The following ECEL1 variants were observed in gnomAD, a reference collection of about 807,000 sequenced individuals.
ECEL1 encodes endothelin-converting enzyme-like 1.
ECEL1 carries 87 observed loss-of-function variants against 101.8 expected under a neutral mutation model. The observed-to-expected ratio is 0.85, with a 90% confidence interval of 0.72 to 1.02. The LOEUF (loss-of-function observed/expected upper bound fraction) is 1.02. Among genes scored for constraint, ECEL1 ranks in the 50% least tolerant of loss-of-function variants. The pLI is 0.00. For synonymous variants in ECEL1, 487 were observed against 468.7 expected, an observed-to-expected ratio of 1.04 and a Z score of -0.50; for missense variants, 1,032 against 1,079.2, an observed-to-expected ratio of 0.96 and a Z score of 0.61.
intron 3 of ECEL1, 39 bp downstream of exon 3, chr2:232,485,160 C>T (rs947832209): frequency 1.2e-6 from 2 of 1,612,746 alleles, no homozygotes; most frequent in Non-Finnish European, 1.7e-6. Context: ...CTCCTGGGGC[C>T]CCAGGCCTTC....
At chr2:232,481,274 G>T in intron 14 of ECEL1, 118 bp from the exon 15 acceptor site, 1 of 1,381,900 alleles carries the variant, frequency 7.2e-7, no homozygotes, top group Non-Finnish European at 9.8e-7. Flanking sequence ...CTTGCCCAGA[G>T]AGTTTGAGGG....
chr2:232,487,383 T>A (rs1176549247), intron 1 of ECEL1, among the ~76,000 whole-genome samples: 1 of 152,032 alleles, frequency 6.6e-6, no homozygotes, highest in African/African-American at 2.4e-5. Context: ...ACGGCCCTGA[T>A]GGAGAACCCG....
Position 232,480,000 on chromosome 2 carries a change from G to T in ECEL1, c.*153C>A. On this transcript the variant is annotated 3_prime_UTR_variant, in exon 18 of 18. Transcript: ENST00000304546. ...CCTCACCCTGCTCCAGGCCCCTCCT[G>T]AAGTGAGGGGCAGCAGGGGGACCGG... 1 of 695,950 alleles carries T rather than the reference G, an allele frequency of 1.4e-6. No homozygotes were observed. Among genetic ancestry groups the T allele is most frequent in the Non-Finnish European group, 2.4e-6 (1 of 408,780 alleles). The allele number at this position is 695,950 out of a possible 1,614,324, so 43.1% of individuals were successfully genotyped here.
rs778036027 is a variant in ECEL1, at chr2:232,480,400, T to C, written c.2227A>G (p.Arg743Gly). Residue 743 changes from arginine (R) to glycine (G), a missense_variant and splice_region_variant, in exon 17 of 18, where the codon AGG (arginine) becomes GGG (glycine). Coordinates refer to ENST00000304546, the MANE Select transcript of ECEL1 (RefSeq NM_004826.4). Reference protein sequence around the residue: ...LTDKHAPEHYRVLGSVSQFEE... With the variant: ...LTDKHAPEHYGVLGSVSQFEE... ...GGCCAGGCGGGCAGGTGGGCATACC[T>C]GTAGTGCTCAGGGGCATGCTTGTCA... 1.2e-6 allele frequency: 2 copies of C among 1,613,952 alleles called. No homozygotes were observed. The highest frequency in any genetic ancestry group is 2.2e-5 in the East Asian group (1 of 44,868).
intron 3 of ECEL1, 49 bp downstream of exon 3, chr2:232,485,150 C>T: frequency 1.9e-6 from 3 of 1,612,504 alleles, no homozygotes; most frequent in Non-Finnish European, 1.7e-6. Context: ...GGATCCACCC[C>T]TCCTGGGGCC....
chr2:232,480,286 C>T (rs765282538), intron 17 of ECEL1, 34 bp from the exon 18 acceptor site: 1 of 1,611,978 alleles, frequency 6.2e-7, no homozygotes, highest in Admixed American at 1.7e-5. Flanking sequence ...AGTGTTGGGC[C>T]CTGCAGCCAC....
At position 232,480,539 on chromosome 2, in the gene ECEL1, C is replaced by A. The variant is rs1190432; in HGVS notation, c.2152-64G>T. 0.22 allele frequency: 345,832 copies of A among 1,597,230 alleles called. 38,596 individuals are homozygous for A. The highest frequency in any genetic ancestry group is 0.23 in the East Asian group (10,238 of 44,424). On this transcript the variant is annotated intron_variant, in intron 16 of 17. Coordinates refer to ENST00000304546, the MANE Select transcript of ECEL1 (RefSeq NM_004826.4). ...TGAAGCCAGGCATCCGCCCCCTTGCCCCCCACCCAGCACACAAGGCGGTAG... is the reference window on the plus strand; with the variant it reads ...TGAAGCCAGGCATCCGCCCCCTTGCACCCCACCCAGCACACAAGGCGGTAG...
intron 5 of ECEL1, 37 bp from the exon 6 acceptor site, chr2:232,484,633 T>G (rs1320630733): frequency 1.2e-6 from 2 of 1,611,248 alleles, no homozygotes; most frequent in Admixed American, 1.7e-5. Flanking sequence ...AGGCTAGGGT[T>G]GGCAGGGGCC....
rs374914147 is a variant in ECEL1, at chr2:232,486,659, C to A, written c.-6G>T. The A allele has an allele frequency of 8.5e-6, 13 of 1,521,890 alleles. No homozygotes were observed. Among genetic ancestry groups the A allele is most frequent in the Non-Finnish European group, 1.1e-5 (13 of 1,145,262 alleles). The allele number at this position is 1,521,890 out of a possible 1,614,324, so 94.3% of individuals were successfully genotyped here. ...AGCGAATACGGGGGCTCCATGGCGC[C>A]GAGGCCGCCGCGGTGCAGACCTGGG... On this transcript the variant is annotated 5_prime_UTR_variant, in exon 2 of 18. Coordinates refer to ENST00000304546, the MANE Select transcript of ECEL1 (RefSeq NM_004826.4).
In ECEL1 at chr2:232,486,534, G is replaced by C; in HGVS notation, c.120C>G (p.Gly40=). 2 of 1,336,420 alleles carry C rather than the reference G, an allele frequency of 1.5e-6. No homozygotes were observed. Among genetic ancestry groups the C allele is most frequent in the Non-Finnish European group, 9.5e-7 (1 of 1,053,264 alleles). The allele number at this position is 1,336,420 out of a possible 1,614,324, so 82.8% of individuals were successfully genotyped here. A position where few individuals can be genotyped will look rare whatever the true frequency, so the allele number is the denominator to read the frequency against. ...GGGCCCCGGTGGCGCTGCGCGCAGCGCCCAACGGGAAGCCCGGGGGCAGGG... is the reference window on the plus strand; with the variant it reads ...GGGCCCCGGTGGCGCTGCGCGCAGCCCCCAACGGGAAGCCCGGGGGCAGGG... ...GASLPPGFPL[G]AARSATGARS... is the part of the protein sequence containing the mutation. Residue 40 remains glycine, a synonymous_variant, in exon 2 of 18, where the codon GGC becomes GGG. Transcript: ENST00000304546.
chr2:232,487,720 C>T lies in ECEL1; in HGVS notation c.-103G>A, dbSNP rs1690771309. Reference sequence around the variant, plus strand: ...GGCAGGGACTCGGGCGCCACTTACCCGGCAGGTGCGCGCCCGAGCCGGCGG... The same window carrying T: ...GGCAGGGACTCGGGCGCCACTTACCTGGCAGGTGCGCGCCCGAGCCGGCGG... On this transcript the variant is annotated splice_region_variant and 5_prime_UTR_variant, in exon 1 of 18. Coordinates refer to ENST00000304546, the MANE Select transcript of ECEL1 (RefSeq NM_004826.4). 6.6e-6 allele frequency: 1 copy of T among 150,854 alleles called. No individual in the cohort carries two copies. The highest frequency in any genetic ancestry group is 1.5e-5 in the Non-Finnish European group (1 of 67,458). 9.3% of individuals were successfully genotyped at this position (150,854 alleles called of 1,614,324 possible).
chr2:232,486,052 A>G lies in ECEL1; in HGVS notation c.602T>C (p.Met201Thr). 1.2e-6 allele frequency: 2 copies of G among 1,608,244 alleles called. No homozygotes were observed. The highest frequency in any genetic ancestry group is 1.7e-6 in the Non-Finnish European group (2 of 1,178,284). ...REIERLGPRP[M>T]LEVIEDCGGW... ...CCCGCAGTCCTCGATGACCTCTAGC[A>G]TGGGTCGCGGGCCCAGTCGCTCGAT... is the stretch of plus-strand genomic sequence containing the variant. The change falls in exon 2 of 18, where the codon ATG (methionine) becomes ACG (threonine). Residue 201 changes from methionine (M) to threonine (T), a missense_variant. Physicochemically the swap from Met to Thr is moderately conservative, Grantham distance 81. Coordinates refer to ENST00000304546, the MANE Select transcript of ECEL1 (RefSeq NM_004826.4).
In ECEL1 at chr2:232,486,422, C is replaced by A; in HGVS notation, c.232G>T (p.Ala78Ser). 4 of 1,461,468 alleles carry A rather than the reference C, an allele frequency of 2.7e-6. No homozygotes were observed. The highest frequency in any genetic ancestry group is 2.7e-5 in the South Asian group (2 of 73,702). 90.5% of individuals were successfully genotyped at this position (1,461,468 alleles called of 1,614,324 possible). Reference protein sequence around the residue: ...FAAGLCAILAAMLALKYLGPV... With the variant: ...FAAGLCAILASMLALKYLGPV... ...CCCAGGTACTTGAGGGCCAGCATAG[C>A]CGCCAGAATGGCGCAGAGGCCGGCG... Residue 78 changes from alanine to serine, a missense_variant, in exon 2 of 18, where the codon GCT (alanine) becomes TCT (serine). Ala to Ser is a moderately conservative substitution (Grantham distance 99). Coordinates refer to ENST00000304546, the MANE Select transcript of ECEL1 (RefSeq NM_004826.4).
chr2:232,483,865 C>G lies in ECEL1; in HGVS notation c.1407+136G>C. ...GAGGAGCAGCCTGGGGCCTCAGAATCGGCTGAGTACTTAGCAGGGCCTGGT... is the reference window on the plus strand; with the variant it reads ...GAGGAGCAGCCTGGGGCCTCAGAATGGGCTGAGTACTTAGCAGGGCCTGGT... On this transcript the variant is annotated intron_variant, in intron 7 of 17. Transcript: ENST00000304546. 3 of 988,634 alleles carry G rather than the reference C, an allele frequency of 3.0e-6. No homozygotes were observed. In the South Asian group the frequency reaches 5.1e-5, roughly 17 times the overall value. The allele number at this position is 988,634 out of a possible 1,614,324, so 61.2% of individuals were successfully genotyped here. A position where few individuals can be genotyped will look rare whatever the true frequency, so the allele number is the denominator to read the frequency against.
chr2:232,481,988 G>GA, intron 12 of ECEL1, 139 bp from the exon 13 acceptor site: 1 of 1,086,768 alleles, frequency 9.2e-7, no homozygotes, highest in Non-Finnish European at 1.3e-6. Context: ...CGGTCCAGGG[G>GA]CACATGTGCC....
chr2:232,484,302 C>G (rs1011048068), intron 6 of ECEL1, 79 bp from the exon 7 acceptor site: 1 of 1,567,928 alleles, frequency 6.4e-7, no homozygotes, highest in Non-Finnish European at 8.7e-7. Context: ...TACCTGTGCC[C>G]GCCAACCTGT....
At chr2:232,481,956 G>A in intron 12 of ECEL1, 107 bp from the exon 13 acceptor site, 1 of 1,479,052 alleles carries the variant, frequency 6.8e-7, no homozygotes, top group Non-Finnish European at 9.2e-7. Context: ...GGTGGCACAG[G>A]GAGGCCACAG....
Position 232,481,745 on chromosome 2 carries a change from C to G in ECEL1, c.1864+37G>C, listed in dbSNP as rs68130818. ...TGCCTCTCCACTGCCTGTCCTGCCC[C>G]CTCCGGGCCATCCCCTGGGGCCCCA... On this transcript the variant is annotated intron_variant, in intron 13 of 17. Transcript: ENST00000304546. The G allele has an allele frequency of 0.065, 104,545 of 1,613,230 alleles. 3,712 individuals are homozygous for G. Among genetic ancestry groups the G allele is most frequent in the South Asian group, 0.11 (9,844 of 91,060 alleles).
chr2:232,482,638 G>A (rs1690610490), intron 10 of ECEL1, 30 bp from the exon 11 acceptor site: 1 of 1,593,704 alleles, frequency 6.3e-7, no homozygotes, highest in Non-Finnish European at 8.6e-7. Flanking sequence ...TGAATGGGGG[G>A]AACACACTCC....
Sources: gnomAD v4.1 joint callset for allele counts (sites outside exome capture counted in the v4.1 genomes callset) on GRCh38, gnomAD v4.1.1 for gene constraint, MANE v1.5 for transcripts, NCBI Gene and HGNC (gene_info 2026-07-23, HGNC 2026-07-21) for gene names.